BNC2: variants seen among roughly 807,000 people sequenced by gnomAD.
The protein encoded by BNC2 is zinc finger protein basonuclin-2.
In BNC2, 20 loss-of-function variants were observed where a neutral mutation model predicts 76.3. That is an observed-to-expected ratio of 0.26 (90% CI 0.18 to 0.38). The LOEUF is 0.38. Ranked by LOEUF, BNC2 falls within the 10% of genes least tolerant of loss-of-function variation. BNC2 has a pLI of 1.00. For synonymous variants in BNC2, 582 were observed against 514.8 expected, an observed-to-expected ratio of 1.13 and a Z score of -1.77; for missense variants, 1,382 against 1,399.8, an observed-to-expected ratio of 0.99 and a Z score of 0.20.
At chr9:16,605,460 G>A (rs1820357801) in intron 3 of BNC2, among the ~76,000 whole-genome samples, 1 of 152,182 alleles carries the variant, frequency 6.6e-6, no homozygotes, top group Admixed American at 6.5e-5. Flanking sequence ...CCAAGGCAGA[G>A]CCAGGACTTC....
chr9:16,810,503 C>G (rs568989852), intron 1 of BNC2, among the ~76,000 whole-genome samples: 3 of 152,170 alleles, frequency 2.0e-5, no homozygotes, highest in Non-Finnish European at 4.4e-5. Context: ...CAGATGCTGC[C>G]GCTGCAGGCC....
At chr9:16,503,492 G>A (rs1176198296) in intron 5 of BNC2, among the ~76,000 whole-genome samples, 1 of 152,038 alleles carries the variant, frequency 6.6e-6, no homozygotes, top group Non-Finnish European at 1.5e-5. Context: ...CAAAGGCAGT[G>A]AGGAAAGGGG....
At chr9:16,534,255 G>C (rs1270780046) in intron 5 of BNC2, among the ~76,000 whole-genome samples, 3 of 152,084 alleles carry the variant, frequency 2.0e-5, no homozygotes, top group African/African-American at 7.2e-5. Context: ...AAGTCTCCCT[G>C]TTTTAGTTTT....
chr9:16,735,323 C>T (rs900194336), intron 2 of BNC2, among the ~76,000 whole-genome samples: 1 of 151,062 alleles, frequency 6.6e-6, no homozygotes, highest in South Asian at 2.1e-4. Flanking sequence ...CTTCTTTATA[C>T]CAAACCTATA....
intron 5 of BNC2, among the ~76,000 whole-genome samples, chr9:16,483,516 A>T (rs1171737942): frequency 6.6e-6 from 1 of 152,244 alleles, no homozygotes; most frequent in African/African-American, 2.4e-5. Flanking sequence ...ATTAGCAATG[A>T]TTACATGGTA....
chr9:16,474,383 A>T (rs985941256), intron 5 of BNC2, among the ~76,000 whole-genome samples: 2 of 151,348 alleles, frequency 1.3e-5, no homozygotes, highest in Non-Finnish European at 3.0e-5. Context: ...ATGAAGGGAG[A>T]AAAGTGTTCA....
chr9:16,502,018 G>T (rs1243378591), intron 5 of BNC2, among the ~76,000 whole-genome samples: 2 of 152,100 alleles, frequency 1.3e-5, no homozygotes, highest in Non-Finnish European at 2.9e-5. Flanking sequence ...CAAGAAAAAG[G>T]TCTCCTCAGA....
chr9:16,790,017 T>G (rs1817456886), intron 1 of BNC2, among the ~76,000 whole-genome samples: 2 of 152,204 alleles, frequency 1.3e-5, no homozygotes, highest in Admixed American at 6.5e-5. Context: ...GATTTTTTTT[T>G]GAGATGGAGT....
intron 1 of BNC2, among the ~76,000 whole-genome samples, chr9:16,785,229 A>T (rs1826253716): frequency 6.6e-6 from 1 of 152,196 alleles, no homozygotes; most frequent in Admixed American, 6.5e-5. Flanking sequence ...CCCAAGCCTT[A>T]AAGTATCCCA....
chr9:16,646,454 C>A (rs985980409), intron 3 of BNC2, among the ~76,000 whole-genome samples: 4 of 151,994 alleles, frequency 2.6e-5, no homozygotes, highest in African/African-American at 4.8e-5. Context: ...CTAATACACA[C>A]AACAATATGA....
At chr9:16,850,204 AG>A (rs1563970711) in intron 1 of BNC2, among the ~76,000 whole-genome samples, 1 of 152,252 alleles carries the variant, frequency 6.6e-6, no homozygotes, top group Non-Finnish European at 1.5e-5. Flanking sequence ...TACTTAGAAT[AG>A]AAAAAATTCA....
chr9:16,767,916 C>T (rs887144098), intron 1 of BNC2, among the ~76,000 whole-genome samples: 1 of 151,526 alleles, frequency 6.6e-6, no homozygotes, highest in African/African-American at 2.4e-5. Flanking sequence ...TTTTAAGATC[C>T]GACATGCTCA....
chr9:16,411,708 T>C lies in BNC2; in HGVS notation c.*7281A>G, dbSNP rs1289515107. The C allele has an allele frequency of 6.6e-6, 1 of 152,654 alleles. No individual in the cohort carries two copies. Among genetic ancestry groups the C allele is most frequent in the Admixed American group, 6.5e-5 (1 of 15,280 alleles). 9.5% of individuals were successfully genotyped at this position (152,654 alleles called of 1,614,324 possible). A position where few individuals can be genotyped will look rare whatever the true frequency, so the allele number is the denominator to read the frequency against. On this transcript the variant is annotated 3_prime_UTR_variant, in exon 7 of 7. Coordinates refer to ENST00000380672, the MANE Select transcript of BNC2 (RefSeq NM_017637.6). ...CATGAAATTATTTAGCACAGATTTGTCAACATAGACCTGTTACATTGTCTA... is the reference window on the plus strand; with the variant it reads ...CATGAAATTATTTAGCACAGATTTGCCAACATAGACCTGTTACATTGTCTA...
intron 5 of BNC2, among the ~76,000 whole-genome samples, chr9:16,482,552 T>C (rs901097077): frequency 1.3e-5 from 2 of 152,182 alleles, no homozygotes; most frequent in African/African-American, 2.4e-5. Context: ...ATGAAGGTGA[T>C]TGCAGACACT....
chr9:16,450,278 T>A (rs75291992), intron 5 of BNC2, among the ~76,000 whole-genome samples: 82 of 152,350 alleles, frequency 5.4e-4, no homozygotes, highest in African/African-American at 1.7e-3. Context: ...AAAATGAGCA[T>A]CTTTAAATAA....
At chr9:16,832,179 C>T in intron 1 of BNC2, 1 of 757,914 alleles carries the variant, frequency 1.3e-6, no homozygotes. Context: ...ATTCATGCGC[C>T]CTTATTAAAA....
At chr9:16,813,816 G>C (rs1818116616) in intron 1 of BNC2, among the ~76,000 whole-genome samples, 1 of 151,888 alleles carries the variant, frequency 6.6e-6, no homozygotes, top group Admixed American at 6.6e-5. Context: ...TTGTTTTTTT[G>C]TTTTTGTTTT....
At chr9:16,694,129 T>C (rs779076400) in intron 3 of BNC2, among the ~76,000 whole-genome samples, 17 of 152,096 alleles carry the variant, frequency 1.1e-4, no homozygotes, top group Non-Finnish European at 2.2e-4. Context: ...TCTTACTTCA[T>C]CAGAGGCACA....
intron 4 of BNC2, among the ~76,000 whole-genome samples, chr9:16,565,806 C>CAAA (rs567073225): frequency 7.4e-5 from 9 of 120,876 alleles, no homozygotes; most frequent in African/African-American, 2.1e-4. Context: ...AGCCCCATCT[C>CAAA]AAAAAAAAAA....
Sources: allele counts gnomAD v4.1 joint callset (sites outside exome capture counted in the v4.1 genomes callset), GRCh38; gene constraint gnomAD v4.1.1; transcripts MANE v1.5; gene names NCBI Gene and HGNC (gene_info 2026-07-23, HGNC 2026-07-21).